The following USP4 variants were observed in gnomAD, a reference collection of about 807,000 sequenced individuals.
USP4 encodes ubiquitin carboxyl-terminal hydrolase 4.
USP4 carries 72 observed loss-of-function variants against 118.2 expected under a neutral mutation model. That is an observed-to-expected ratio of 0.61 (90% CI 0.50 to 0.74). USP4 has a LOEUF of 0.74. Ranked by LOEUF, USP4 falls within the 30% of genes least tolerant of loss-of-function variation. USP4 has a pLI of 0.00. For missense variants in USP4, 1,037 were observed against 1,185.7 expected, an observed-to-expected ratio of 0.87 and a Z score of 1.84; for synonymous variants, 415 against 440.4, an observed-to-expected ratio of 0.94 and a Z score of 0.72.
rs1486354922 is a variant in USP4, at chr3:49,327,686, T to C, written c.360A>G (p.Lys120=). The change falls in exon 3 of 22, where the codon AAA becomes AAG. Residue 120 remains lysine (K), a splice_region_variant and synonymous_variant. Transcript: ENST00000265560. ...CVEGQQPIVR[K]VVEHGLFVKH... is the part of the protein sequence containing the mutation. ...AGGTGGGACAATTCACATAACTCAC[T>C]TTTCTGACGATGGGTTGCTGGCCTT... The C allele has an allele frequency of 8.7e-6, 14 of 1,613,912 alleles. No individual in the cohort carries two copies. Among genetic ancestry groups the C allele is most frequent in the Non-Finnish European group, 1.0e-5 (12 of 1,179,950 alleles).
At chr3:49,278,686 C>G (rs1479875886) in intron 21 of USP4, 128 bp downstream of exon 21, 28 of 877,812 alleles carry the variant, frequency 3.2e-5, no homozygotes, top group Non-Finnish European at 4.8e-5. Flanking sequence ...GAATGCCAGC[C>G]AGCTCTGTCA....
intron 19 of USP4, among the ~76,000 whole-genome samples, chr3:49,281,372 C>T (rs992547772): frequency 2.0e-5 from 3 of 151,550 alleles, no homozygotes; most frequent in African/African-American, 7.3e-5. Context: ...AGGAGAATGG[C>T]GTGAACCCGG....
chr3:49,313,655 G>C (rs1455803146), intron 6 of USP4, among the ~76,000 whole-genome samples: 1 of 152,162 alleles, frequency 6.6e-6, no homozygotes, highest in Non-Finnish European at 1.5e-5. Flanking sequence ...GCCTTCTATG[G>C]AGAATTTTGT....
rs770254009 is a variant in USP4 at position 49,278,864 on chromosome 3, A to G, written c.2683T>C (p.Tyr895His). ...YAKNKLNGKWYYFDDSNVSLA... is the reference protein window; with the variant it reads ...YAKNKLNGKWHYFDDSNVSLA... Reference sequence around the variant, plus strand: ...GACACGTTGCTATCATCAAAGTAATACCATTTACCATTCAGTTTGTTCTTC... The same window carrying G: ...GACACGTTGCTATCATCAAAGTAATGCCATTTACCATTCAGTTTGTTCTTC... Residue 895 changes from tyrosine to histidine, a missense_variant, in exon 21 of 22, where the codon TAT becomes CAT. This residue lies in a region of USP4 where 522 missense variants were observed against 592.6 expected (regional missense o/e 0.88). Transcript: ENST00000265560. 29 of 1,612,852 alleles carry G rather than the reference A, an allele frequency of 1.8e-5. No homozygotes were observed. The Admixed American group carries it at 4.7e-4, about 26-fold the overall frequency.
Position 49,340,041 on chromosome 3 carries a change from G to GCCCAGCCGGCCCGGACATCCGC in USP4, c.-18_-17insGCGGATGTCCGGGCCGGCTGGG, listed in dbSNP as rs1559484365. ...TTCCGCCATCTCCTCCGCGGCCCCG[G>GCCCAGCCGGCCCGGACATCCGC]CCCAGCCGGCCCGGACATCCGCCCC... On this transcript the variant is annotated 5_prime_UTR_variant, in exon 1 of 22. The change creates a new upstream start codon in the 5' untranslated region. Coordinates refer to ENST00000265560, the MANE Select transcript of USP4 (RefSeq NM_003363.4). 6.3e-7 allele frequency: 1 copy of GCCCAGCCGGCCCGGACATCCGC among 1,599,666 alleles called. No homozygotes were observed. The highest frequency in any genetic ancestry group is 8.5e-7 in the Non-Finnish European group (1 of 1,177,620).
At chr3:49,313,448 A>G (rs1401983875) in intron 6 of USP4, among the ~76,000 whole-genome samples, 1 of 152,070 alleles carries the variant, frequency 6.6e-6, no homozygotes, top group Admixed American at 6.6e-5. Context: ...GAACTGCTTG[A>G]ACCCAGGAGG....
chr3:49,322,811 C>T (rs980343823), intron 6 of USP4, among the ~76,000 whole-genome samples: 17 of 150,062 alleles, frequency 1.1e-4, no homozygotes, highest in Non-Finnish European at 1.8e-4. Flanking sequence ...GAGCTGAGAT[C>T]GCACCATTGC....
intron 9 of USP4, among the ~76,000 whole-genome samples, chr3:49,304,934 T>C (rs2107782819): frequency 6.6e-6 from 1 of 152,016 alleles, no homozygotes; most frequent in East Asian, 1.9e-4. Context: ...TGGCTAATTT[T>C]TGTATTTTTG....
rs778289911 is a variant in USP4, at chr3:49,325,034, T to C, written c.493A>G (p.Ile165Val). Residue 165 changes from isoleucine to valine, a missense_variant, in exon 5 of 22, where the codon ATC becomes GTC. Physicochemically the swap from Ile to Val is conservative, Grantham distance 29 (BLOSUM62 3). Transcript: ENST00000265560. ...HFSKADTIAT[I>V]EKEMRKLFNI... ...AATAGCTTCCGCATCTCTTTCTCGA[T>C]GGTTGCTAGGAACAGGCAGAAATAT... The C allele has an allele frequency of 1.9e-6, 3 of 1,613,010 alleles. No individual in the cohort carries two copies. Among genetic ancestry groups the C allele is most frequent in the Non-Finnish European group, 2.5e-6 (3 of 1,179,654 alleles).
intron 14 of USP4, among the ~76,000 whole-genome samples, 184 bp downstream of exon 14, chr3:49,294,223 G>A (rs2047179919): frequency 6.6e-6 from 1 of 152,176 alleles, no homozygotes; most frequent in Non-Finnish European, 1.5e-5. Flanking sequence ...GACCTCAGGT[G>A]ATCTGCCCGC....
At chr3:49,291,823 T>C (rs1349247272) in intron 15 of USP4, among the ~76,000 whole-genome samples, 1 of 151,236 alleles carries the variant, frequency 6.6e-6, no homozygotes, top group Admixed American at 6.6e-5. Context: ...CTTTTTTTTT[T>C]CTTTTTTTGA....
chr3:49,317,702 C>T (rs990443751), intron 6 of USP4, among the ~76,000 whole-genome samples: 8 of 150,598 alleles, frequency 5.3e-5, no homozygotes, highest in African/African-American at 1.9e-4. Flanking sequence ...CCACCATGCC[C>T]GTGGTGTTTT....
chr3:49,309,283 G>A (rs751528853), intron 8 of USP4, among the ~76,000 whole-genome samples: 50 of 152,132 alleles, frequency 3.3e-4, no homozygotes, highest in Non-Finnish European at 6.3e-4. Flanking sequence ...CTTGCAGTTG[G>A]TTTCGGAAAT....
At chr3:49,294,652 G>A (rs1179064991) in intron 13 of USP4, 54 bp from the exon 14 acceptor site, 1 of 1,554,064 alleles carries the variant, frequency 6.4e-7, no homozygotes, top group Non-Finnish European at 8.8e-7. Context: ...GTGAACAACA[G>A]AGATCTGAGC....
chr3:49,291,974 A>G (rs1185582546), intron 15 of USP4, among the ~76,000 whole-genome samples: 2 of 151,866 alleles, frequency 1.3e-5, no homozygotes, highest in Non-Finnish European at 2.9e-5. Flanking sequence ...TGTCCGGCTA[A>G]TTTTTTGTAT....
chr3:49,332,903 G>A (rs1440017550), intron 2 of USP4, among the ~76,000 whole-genome samples: 1 of 151,670 alleles, frequency 6.6e-6, no homozygotes, highest in Non-Finnish European at 1.5e-5. Flanking sequence ...GAGTGTGGTG[G>A]GGCCTGTAGT....
intron 14 of USP4, among the ~76,000 whole-genome samples, chr3:49,293,143 C>A (rs531345737): frequency 6.6e-6 from 1 of 150,482 alleles, no homozygotes; most frequent in African/African-American, 2.4e-5. Context: ...TTTGGGAGGC[C>A]GAGGTGGGCA....
At chr3:49,301,687 CA>C (rs1163096897) in intron 10 of USP4, among the ~76,000 whole-genome samples, 2 of 151,116 alleles carry the variant, frequency 1.3e-5, no homozygotes, top group Non-Finnish European at 2.9e-5. Flanking sequence ...GACTCCATCT[CA>C]AAAAAAATAA....
intron 19 of USP4, among the ~76,000 whole-genome samples, chr3:49,282,958 T>C (rs1389308197): frequency 1.3e-5 from 2 of 150,872 alleles, no homozygotes; most frequent in African/African-American, 4.9e-5. Flanking sequence ...TCCACCCACC[T>C]TGGCCTCCCA....
Sources: gnomAD v4.1 joint callset for allele counts (sites outside exome capture counted in the v4.1 genomes callset) on GRCh38, gnomAD v4.1.1 for gene constraint, gnomAD v4.1.1 regional missense constraint, MANE v1.5 for transcripts, NCBI Gene and HGNC (gene_info 2026-07-23, HGNC 2026-07-21) for gene names.